RIMS2: variants seen among roughly 807,000 people sequenced by gnomAD.
RIMS2 encodes regulating synaptic membrane exocytosis protein 2.
A neutral mutation model predicts 174.4 loss-of-function variants in RIMS2; 59 were observed. The ratio of observed to expected loss-of-function variants is 0.34; its 90% CI spans 0.27 to 0.42. RIMS2 has a LOEUF of 0.42. Ranked by LOEUF, RIMS2 falls within the 10% of genes least tolerant of loss-of-function variation. The probability of loss-of-function intolerance (pLI) is 1.00; values close to 1 mark genes in which losing one functional copy is unlikely to be tolerated. For synonymous variants in RIMS2, 606 were observed against 572.5 expected (o/e 1.06, Z -0.84); for missense variants, 1,620 against 1,666.3 (o/e 0.97, Z 0.48).
intron 3 of RIMS2, among the ~76,000 whole-genome samples, chr8:103,868,446 T>C (rs2099094029): frequency 6.6e-6 from 1 of 152,042 alleles, no homozygotes; most frequent in Non-Finnish European, 1.5e-5. Context: ...ACTATAAACA[T>C]TTTTTGTATT....
intron 3 of RIMS2, among the ~76,000 whole-genome samples, chr8:103,836,975 A>G (rs770489268): frequency 2.6e-5 from 4 of 152,254 alleles, no homozygotes; most frequent in Non-Finnish European, 4.4e-5. Context: ...CTGCATGAGC[A>G]TATGAATCTT....
At chr8:104,201,146 A>G (rs2099052795) in intron 19 of RIMS2, among the ~76,000 whole-genome samples, 2 of 152,034 alleles carry the variant, frequency 1.3e-5, no homozygotes, top group Non-Finnish European at 2.9e-5. Context: ...TCTCCCCTCA[A>G]GTAGGCCCTG....
chr8:103,890,964 C>T (rs2099241205), intron 4 of RIMS2, among the ~76,000 whole-genome samples: 1 of 151,896 alleles, frequency 6.6e-6, no homozygotes, highest in African/African-American at 2.4e-5. Context: ...TTAACAGCAT[C>T]CCTGGCCTCT....
chr8:103,961,085 A>G (rs1248402116), exon 15 of RIMS2: 14 of 1,502,958 alleles, frequency 9.3e-6, no homozygotes, highest in Non-Finnish European at 1.2e-5. Flanking sequence ...AATAAGTGAT[A>G]GTGAAGTCTC....
At chr8:104,143,661 A>G (rs1409103983) in intron 19 of RIMS2, among the ~76,000 whole-genome samples, 1 of 152,194 alleles carries the variant, frequency 6.6e-6, no homozygotes. Context: ...TGAACAGTAC[A>G]AGCCTTATCA....
At chr8:103,677,259 A>G (rs887307035) in intron 1 of RIMS2, among the ~76,000 whole-genome samples, 3 of 152,162 alleles carry the variant, frequency 2.0e-5, no homozygotes, top group African/African-American at 7.2e-5. Flanking sequence ...GTGTGTAAAA[A>G]AAAAAGAAAC....
chr8:104,033,648 C>T (rs1256851352), intron 19 of RIMS2, among the ~76,000 whole-genome samples: 20 of 143,278 alleles, frequency 1.4e-4, no homozygotes, highest in Admixed American at 1.4e-4. Flanking sequence ...TTTTTTTTTT[C>T]CTGTATACTA....
chr8:103,733,786 T>C (rs2097644194), intron 2 of RIMS2, among the ~76,000 whole-genome samples: 1 of 152,200 alleles, frequency 6.6e-6, no homozygotes, highest in Admixed American at 6.5e-5. Context: ...TGGTTGCTGC[T>C]GTGGACTTGG....
intron 3 of RIMS2, among the ~76,000 whole-genome samples, chr8:103,845,512 G>T (rs2098963249): frequency 6.6e-6 from 1 of 152,050 alleles, no homozygotes; most frequent in Admixed American, 6.6e-5. Context: ...TGTCGTATTA[G>T]TATACTACCA....
intron 19 of RIMS2, among the ~76,000 whole-genome samples, chr8:104,195,512 TC>T (rs1280312532): frequency 3.1e-5 from 3 of 95,366 alleles, no homozygotes; most frequent in Admixed American, 1.3e-4. Context: ...AAATTTTATC[TC>T]CTTTTTTTTT....
chr8:103,867,992 T>C (rs926720168), intron 3 of RIMS2, among the ~76,000 whole-genome samples: 1 of 152,090 alleles, frequency 6.6e-6, no homozygotes, highest in Admixed American at 6.5e-5. Flanking sequence ...CCCATTATGT[T>C]TAATAATGTT....
At chr8:103,681,964 AG>A (rs1464592481) in intron 1 of RIMS2, among the ~76,000 whole-genome samples, 2 of 152,068 alleles carry the variant, frequency 1.3e-5, no homozygotes, top group African/African-American at 4.8e-5. Context: ...TAAAATTGAA[AG>A]GACATATTGG....
intron 14 of RIMS2, among the ~76,000 whole-genome samples, chr8:103,953,730 G>T (rs2086189178): frequency 6.6e-6 from 1 of 152,108 alleles, no homozygotes; most frequent in Non-Finnish European, 1.5e-5. Flanking sequence ...CATAATGGCA[G>T]GATCAAATTC....
At chr8:103,735,534 G>A (rs1293262580) in intron 2 of RIMS2, among the ~76,000 whole-genome samples, 2 of 151,876 alleles carry the variant, frequency 1.3e-5, no homozygotes, top group African/African-American at 4.8e-5. Flanking sequence ...GCTGATGTTC[G>A]TTCATGGTGG....
intron 19 of RIMS2, among the ~76,000 whole-genome samples, chr8:104,035,507 G>GTT (rs923875292): frequency 2.1e-5 from 3 of 143,998 alleles, no homozygotes; most frequent in African/African-American, 7.6e-5. Flanking sequence ...GTGTAGGTAG[G>GTT]TTTTTTTTTT....
chr8:103,633,050 G>T (rs1809331680), intron 1 of RIMS2, among the ~76,000 whole-genome samples: 1 of 145,154 alleles, frequency 6.9e-6, no homozygotes, highest in Admixed American at 6.9e-5. Context: ...TTTTTGAGAT[G>T]GAGTCTTGCT....
intron 3 of RIMS2, among the ~76,000 whole-genome samples, chr8:103,867,630 A>G (rs2099090098): frequency 6.6e-6 from 1 of 151,974 alleles, no homozygotes; most frequent in African/African-American, 2.4e-5. Context: ...TTACAAAATT[A>G]GTTGTTCTAC....
chr8:103,977,065 C>T (rs1014500953), intron 16 of RIMS2: 11 of 152,116 alleles, frequency 7.2e-5, no homozygotes, highest in African/African-American at 2.7e-4. Context: ...CTTATACATC[C>T]TATTTTAAAT....
chr8:104,253,547 A>T (rs2099363648), downstream of RIMS2: 1 of 152,176 alleles, frequency 6.6e-6, no homozygotes, highest in Non-Finnish European at 1.5e-5. Context: ...GTCTATGTGA[A>T]AATCTCCTAA....
Sources: allele counts gnomAD v4.1 joint callset (sites outside exome capture counted in the v4.1 genomes callset), GRCh38; gene constraint gnomAD v4.1.1; transcripts MANE v1.5; gene names NCBI Gene and HGNC (gene_info 2026-07-23, HGNC 2026-07-21).